Variants in MOSMO observed in about 807,000 individuals in gnomAD.
MOSMO encodes the protein modulator of smoothened.
In MOSMO, 5 loss-of-function variants were observed where a neutral mutation model predicts 18.4. The ratio of observed to expected loss-of-function variants is 0.27; its 90% CI spans 0.14 to 0.57. MOSMO has a LOEUF of 0.57. MOSMO is among the 20% of genes least tolerant of loss of function. The pLI is 0.92. For missense variants in MOSMO, 138 were observed against 211.8 expected, an observed-to-expected ratio of 0.65 and a Z score of 2.16; for synonymous variants, 82 against 82.3, an observed-to-expected ratio of 1.00 and a Z score of 0.02.
rs981859260 is a variant in MOSMO at position 22,058,204 on chromosome 16, G to A, written c.107-17283G>A. On this transcript the variant is annotated intron_variant, in intron 1 of 2. Coordinates refer to ENST00000542527, the MANE Select transcript of MOSMO (RefSeq NM_001164579.2). The stretch of plus-strand genomic sequence containing the variant: ...GCACTTTGGGAGGCCAAGGCGGGTA[G>A]ATCACAAGGTCAGGCGTTTAGGACC... 3.9e-5 allele frequency among the ~76,000 whole-genome samples: 6 copies of A among 152,102 alleles called. No homozygotes were observed. The East Asian group carries it at 7.7e-4, about 20-fold the overall frequency.
Position 22,075,479 on chromosome 16 carries a change from C to G in MOSMO, c.107-8C>G. ...ACTAAAGTATTCCCACCATTTGCAT[C>G]TCCCCAGGAGCACTCACTGTGGGCC... On this transcript the variant is annotated splice_polypyrimidine_tract_variant and splice_region_variant and intron_variant, in intron 1 of 2. Transcript: ENST00000542527. 6 of 1,261,014 alleles carry G rather than the reference C, an allele frequency of 4.8e-6. No individual in the cohort carries two copies. Among genetic ancestry groups the G allele is most frequent in the Non-Finnish European group, 6.1e-6 (6 of 981,422 alleles). The allele number at this position is 1,261,014 out of a possible 1,614,324, so 78.1% of individuals were successfully genotyped here. A position where few individuals can be genotyped will look rare whatever the true frequency, so the allele number is the denominator to read the frequency against.
intron 1 of MOSMO, among the ~76,000 whole-genome samples, chr16:22,052,983 C>G (rs1388853417): frequency 7.6e-6 from 1 of 131,910 alleles, no homozygotes; most frequent in Non-Finnish European, 1.6e-5. Flanking sequence ...GAGACGGAGT[C>G]TCACTCTGTT....
intron 2 of MOSMO, among the ~76,000 whole-genome samples, chr16:22,078,130 T>C (rs1901008337): frequency 6.6e-6 from 1 of 152,060 alleles, no homozygotes. Flanking sequence ...GCCCTTGTTC[T>C]TTCCTTTGCC....
downstream of MOSMO, among the ~76,000 whole-genome samples, chr16:22,087,825 A>C (rs944931330): frequency 2.6e-5 from 4 of 152,200 alleles, no homozygotes; most frequent in Non-Finnish European, 5.9e-5. Context: ...AGAAATTATG[A>C]CCTTGAGCCG....
At chr16:22,059,392 T>G (rs1900600541) in intron 1 of MOSMO, among the ~76,000 whole-genome samples, 1 of 152,198 alleles carries the variant, frequency 6.6e-6, no homozygotes, top group South Asian at 2.1e-4. Context: ...TAAACGTTTA[T>G]TATTCTGGTG....
intron 1 of MOSMO, among the ~76,000 whole-genome samples, chr16:22,046,768 T>C (rs2141738463): frequency 6.6e-6 from 1 of 152,288 alleles, no homozygotes; most frequent in South Asian, 2.1e-4. Context: ...AGCATTGCCA[T>C]GCTAAGCTGC....
intron 1 of MOSMO, among the ~76,000 whole-genome samples, chr16:22,049,834 C>T (rs1172962101): frequency 1.3e-5 from 2 of 152,156 alleles, no homozygotes; most frequent in African/African-American, 4.8e-5. Context: ...TTACCTAAAA[C>T]AGTTTACTGA....
chr16:22,068,319 G>A (rs1900786215), intron 1 of MOSMO, among the ~76,000 whole-genome samples: 1 of 152,192 alleles, frequency 6.6e-6, no homozygotes, highest in Admixed American at 6.5e-5. Context: ...GTATTTAAAT[G>A]ATTGTTGGAT....
At chr16:22,015,863 A>G (rs569318720) in intron 1 of MOSMO, among the ~76,000 whole-genome samples, 1 of 152,366 alleles carries the variant, frequency 6.6e-6, no homozygotes, top group African/African-American at 2.4e-5. Flanking sequence ...GATGAAGAAC[A>G]TGAACAGCAG....
chr16:22,026,510 C>T (rs762226297), intron 1 of MOSMO, among the ~76,000 whole-genome samples: 14 of 152,052 alleles, frequency 9.2e-5, no homozygotes, highest in African/African-American at 1.2e-4. Context: ...TGAGCCACCG[C>T]GCCCAGCCTG....
intron 1 of MOSMO, among the ~76,000 whole-genome samples, chr16:22,018,793 A>G (rs1899693656): frequency 1.3e-5 from 2 of 152,184 alleles, no homozygotes; most frequent in Non-Finnish European, 2.9e-5. Flanking sequence ...TTTGAGCTTA[A>G]CAGATGATAC....
chr16:22,083,837 A>C lies in MOSMO; in HGVS notation c.*2957A>C. The C allele has an allele frequency of 2.8e-6, 1 of 362,014 alleles. No individual in the cohort carries two copies. The highest frequency in any genetic ancestry group is 5.3e-6 in the Non-Finnish European group (1 of 188,136). The allele number at this position is 362,014 out of a possible 1,614,324, so 22.4% of individuals were successfully genotyped here. A position where few individuals can be genotyped will look rare whatever the true frequency, so the allele number is the denominator to read the frequency against. On this transcript the variant is annotated 3_prime_UTR_variant, in exon 3 of 3. Coordinates refer to ENST00000542527, the MANE Select transcript of MOSMO (RefSeq NM_001164579.2). Reference sequence around the variant, plus strand: ...ACATGAAAAATCTTCAATTTATTAAAAGCAAACATTTCAGTATGATTCTTT... The same window carrying C: ...ACATGAAAAATCTTCAATTTATTAACAGCAAACATTTCAGTATGATTCTTT...
intron 1 of MOSMO, among the ~76,000 whole-genome samples, chr16:22,040,445 A>G (rs1178251316): frequency 1.3e-5 from 2 of 152,212 alleles, no homozygotes; most frequent in Admixed American, 1.3e-4. Flanking sequence ...ATGATTTTTG[A>G]CATATTAGAG....
At chr16:22,011,902 T>C (rs796830565) in intron 1 of MOSMO, among the ~76,000 whole-genome samples, 8 of 141,204 alleles carry the variant, frequency 5.7e-5, no homozygotes, top group African/African-American at 2.1e-4. Context: ...CTGTACAGTC[T>C]CACCTGAGCA....
intron 1 of MOSMO, among the ~76,000 whole-genome samples, chr16:22,072,705 G>A (rs1457960126): frequency 4.6e-5 from 7 of 151,972 alleles, no homozygotes; most frequent in East Asian, 3.9e-4. Context: ...CCAGCAGCTC[G>A]GGAGGCTGAG....
Position 22,064,437 on chromosome 16 carries a change from C to G in MOSMO, c.107-11050C>G, listed in dbSNP as rs1567512580. ...TCTGCCAGATTAATCTGGGAAGAAA[C>G]AGTAAGTATCCTTGAATGGAATTCT... On this transcript the variant is annotated intron_variant, in intron 1 of 2. Coordinates refer to ENST00000542527, the MANE Select transcript of MOSMO (RefSeq NM_001164579.2). The G allele has an allele frequency of 8.8e-6, 4 of 456,240 alleles. No individual in the cohort carries two copies. The Admixed American group carries it at 9.4e-5, about 11-fold the overall frequency. The allele number at this position is 456,240 out of a possible 1,614,324, so 28.3% of individuals were successfully genotyped here.
chr16:22,031,564 C>G (rs563288959), intron 1 of MOSMO, among the ~76,000 whole-genome samples: 3 of 152,300 alleles, frequency 2.0e-5, no homozygotes, highest in African/African-American at 7.2e-5. Context: ...AATCTACTTT[C>G]TGTTTCATAC....
chr16:22,039,669 C>T (rs1026501480), intron 1 of MOSMO, among the ~76,000 whole-genome samples: 2 of 151,854 alleles, frequency 1.3e-5, no homozygotes, highest in Non-Finnish European at 2.9e-5. Context: ...TTGTCTCTTA[C>T]AAAAAAAGAA....
At chr16:22,012,339 G>A (rs1414734704) in intron 1 of MOSMO, among the ~76,000 whole-genome samples, 1 of 152,116 alleles carries the variant, frequency 6.6e-6, no homozygotes, top group Non-Finnish European at 1.5e-5. Flanking sequence ...GTTTCCTCCT[G>A]TGTAAAGTAG....
Sources: gnomAD v4.1 joint callset for allele counts (sites outside exome capture counted in the v4.1 genomes callset) on GRCh38, gnomAD v4.1.1 for gene constraint, MANE v1.5 for transcripts, NCBI Gene and HGNC (gene_info 2026-07-23, HGNC 2026-07-21) for gene names.